HEATR5B: variants seen among roughly 807,000 people sequenced by gnomAD.
HEATR5B encodes the protein HEAT repeat containing 5B.
In HEATR5B, 156 loss-of-function variants were observed where a neutral mutation model predicts 224.1. That is an observed-to-expected ratio of 0.70 (90% CI 0.61 to 0.80). HEATR5B has a LOEUF of 0.80. HEATR5B is among the 30% of genes least tolerant of loss of function. HEATR5B has a pLI of 0.00. For synonymous variants in HEATR5B, 1,027 were observed against 893.0 expected (o/e 1.15, Z -2.68); for missense variants, 2,323 against 2,535.5 (o/e 0.92, Z 1.80).
At chr2:37,056,640 A>T in intron 15 of HEATR5B, 25 bp from the exon 16 acceptor site, 1 of 1,563,400 alleles carries the variant, frequency 6.4e-7, no homozygotes, top group Non-Finnish European at 8.7e-7. Context: ...AATAAAAATT[A>T]TTCAAAATCT....
chr2:37,058,025 C>T (rs965179776), intron 14 of HEATR5B, among the ~76,000 whole-genome samples: 3 of 151,954 alleles, frequency 2.0e-5, no homozygotes. Flanking sequence ...TTGATTTCTC[C>T]CTCCAGATCC....
intron 24 of HEATR5B, among the ~76,000 whole-genome samples, chr2:37,024,028 A>G (rs1186862475): frequency 6.6e-6 from 1 of 152,212 alleles, no homozygotes; most frequent in Middle Eastern, 3.2e-3. Context: ...ATCAATTGAT[A>G]AAGAAAATGT....
intron 24 of HEATR5B, among the ~76,000 whole-genome samples, chr2:37,024,587 CA>C (rs1434091513): frequency 6.6e-6 from 1 of 151,822 alleles, no homozygotes; most frequent in African/African-American, 2.4e-5. Context: ...TTTACTACAA[CA>C]AAAAATTGAG....
intron 7 of HEATR5B, 58 bp downstream of exon 7, chr2:37,070,172 T>C (rs1298213990): frequency 3.2e-6 from 5 of 1,552,330 alleles, no homozygotes; most frequent in African/African-American, 2.7e-5. Flanking sequence ...AATGCTGGGA[T>C]TACAGGCGTG....
chr2:37,024,323 T>C (rs1373738630), intron 24 of HEATR5B, among the ~76,000 whole-genome samples: 2 of 152,226 alleles, frequency 1.3e-5, no homozygotes, highest in African/African-American at 2.4e-5. Flanking sequence ...ATCTACTCTA[T>C]AGCACGGTGA....
intron 18 of HEATR5B, among the ~76,000 whole-genome samples, chr2:37,046,584 A>G (rs1280823271): frequency 6.7e-6 from 1 of 149,858 alleles, no homozygotes; most frequent in Non-Finnish European, 1.5e-5. Context: ...GGTTGCAGTG[A>G]GCTGAGATTG....
chr2:37,077,601 C>A (rs1411657265), intron 3 of HEATR5B, among the ~76,000 whole-genome samples: 1 of 152,256 alleles, frequency 6.6e-6, no homozygotes, highest in East Asian at 1.9e-4. Context: ...AGCCACAGCG[C>A]CCGGCCCCTA....
chr2:37,002,647 A>C, intron 31 of HEATR5B, 75 bp from the exon 32 acceptor site: 1 of 1,439,186 alleles, frequency 6.9e-7, no homozygotes, highest in Non-Finnish European at 9.5e-7. Flanking sequence ...TATTTAGGAA[A>C]TTCCTTCAAA....
At chr2:36,984,234 ATAT>A (rs1558687377) in intron 35 of HEATR5B, among the ~76,000 whole-genome samples, 42 of 133,368 alleles carry the variant, frequency 3.1e-4, no homozygotes, top group Middle Eastern at 7.5e-3. Flanking sequence ...ATATATATAT[ATAT>A]AAAACTGGAA....
rs1003020103 is a variant in HEATR5B at position 37,064,911 on chromosome 2, A to G, written c.1413T>C (p.Cys471=). The change falls in exon 10 of 36, where the codon TGT becomes TGC. Residue 471 remains cysteine (C), a synonymous_variant. Coordinates refer to ENST00000233099, the MANE Select transcript of HEATR5B (RefSeq NM_019024.3). ...ARLAAAWCLR[C]VAVALPFQLT... ...GCTGGAAAGGTAATGCCACAGCCACACAGCGCAAACACCATGCAGCAGCAA... is the reference window on the plus strand; with the variant it reads ...GCTGGAAAGGTAATGCCACAGCCACGCAGCGCAAACACCATGCAGCAGCAA... 1 of 1,614,176 alleles carries G rather than the reference A, an allele frequency of 6.2e-7. No homozygotes were observed. Among genetic ancestry groups the G allele is most frequent in the African/African-American group, 1.3e-5 (1 of 75,050 alleles).
At chr2:37,045,621 T>G (rs1670143040) in intron 18 of HEATR5B, among the ~76,000 whole-genome samples, 1 of 152,228 alleles carries the variant, frequency 6.6e-6, no homozygotes, top group Non-Finnish European at 1.5e-5. Context: ...ATTCTGCACA[T>G]ATCAGTATTC....
intron 4 of HEATR5B, 131 bp from the exon 5 acceptor site, chr2:37,075,765 A>G (rs1672191515): frequency 1.8e-6 from 1 of 544,600 alleles, no homozygotes; most frequent in Admixed American, 3.7e-5. Context: ...AATGAAAAGT[A>G]CAATAAAATT....
chr2:37,001,848 G>C (rs1273420229), intron 32 of HEATR5B, among the ~76,000 whole-genome samples: 2 of 152,046 alleles, frequency 1.3e-5, no homozygotes, highest in African/African-American at 4.8e-5. Flanking sequence ...TGCATTTTTA[G>C]TAGAGATGGC....
intron 25 of HEATR5B, 141 bp from the exon 26 acceptor site, chr2:37,020,018 C>T: frequency 1.7e-6 from 1 of 575,290 alleles, no homozygotes; most frequent in Admixed American, 3.1e-5. Flanking sequence ...ATTCTCCTCC[C>T]TCAGCCTCCG....
intron 3 of HEATR5B, 36 bp downstream of exon 3, chr2:37,079,084 A>G (rs781597133): frequency 3.8e-6 from 5 of 1,328,524 alleles, no homozygotes; most frequent in Admixed American, 2.3e-5. Context: ...AAGAAAAAAT[A>G]AAACTTCAAG....
intron 29 of HEATR5B, 111 bp downstream of exon 29, chr2:37,006,939 T>C (rs1667462126): frequency 1.0e-6 from 1 of 963,318 alleles, no homozygotes; most frequent in African/African-American, 1.6e-5. Context: ...CCTTTCACTT[T>C]TCCTTCTCTG....
intron 4 of HEATR5B, 116 bp downstream of exon 4, chr2:37,076,795 C>T: frequency 1.4e-6 from 1 of 693,612 alleles, no homozygotes; most frequent in Non-Finnish European, 2.5e-6. Context: ...TTTGTAATTA[C>T]CTCCTTGCTA....
At chr2:37,017,485 G>C (rs1415360106) in intron 26 of HEATR5B, among the ~76,000 whole-genome samples, 2 of 151,170 alleles carry the variant, frequency 1.3e-5, no homozygotes, top group East Asian at 3.9e-4. Flanking sequence ...ATGAGCTCGA[G>C]ACCAGCCTGG....
In HEATR5B at chr2:37,032,743, G is replaced by A. The variant is rs775030585; in HGVS notation, c.3247C>T (p.Arg1083Ter). ...VHLCSSHLLL[R>*]RAAVACLRQL... is the part of the protein sequence containing the mutation. ...CGAAGACATGCCACAGCTGCTCGTC[G>A]AAGTAACAAATGGGAACTACATAAG... The change falls in exon 22 of 36, where the codon CGA becomes TGA. Residue 1083 changes from arginine to a stop codon, truncating the protein, a stop_gained. Transcript: ENST00000233099. LOFTEE classifies it high-confidence loss of function. 9.3e-6 allele frequency: 15 copies of A among 1,613,916 alleles called. No individual in the cohort carries two copies. The highest frequency in any genetic ancestry group is 1.3e-5 in the Non-Finnish European group (15 of 1,179,944).
Sources: allele counts gnomAD v4.1 joint callset (sites outside exome capture counted in the v4.1 genomes callset), GRCh38; gene constraint gnomAD v4.1.1; transcripts MANE v1.5; gene names NCBI Gene and HGNC (gene_info 2026-07-23, HGNC 2026-07-21).